SLC24A2: variants seen among roughly 807,000 people sequenced by gnomAD.
The protein encoded by SLC24A2 is sodium/potassium/calcium exchanger 2.
In SLC24A2, 36 loss-of-function variants were observed where a neutral mutation model predicts 62.0. The observed-to-expected ratio is 0.58, with a 90% CI of 0.44 to 0.77. The LOEUF (loss-of-function observed/expected upper bound fraction) is 0.77. Among genes scored for constraint, SLC24A2 ranks in the 30% least tolerant of loss-of-function variants. The pLI is 0.00. For missense variants in SLC24A2, 846 were observed against 817.9 expected (o/e 1.03, Z -0.42); for synonymous variants, 358 against 294.0 (o/e 1.22, Z -2.23).
the SLC24A2 span, among the ~76,000 whole-genome samples, chr9:19,894,055 T>C: frequency 6.6e-6 from 1 of 152,238 alleles, no homozygotes; most frequent in East Asian, 1.9e-4. Context: ...GAGAGACTGA[T>C]AAACATAATC....
intron 7 of SLC24A2, among the ~76,000 whole-genome samples, chr9:19,556,554 G>A (rs1835095692): frequency 6.6e-6 from 1 of 152,102 alleles, no homozygotes; most frequent in African/African-American, 2.4e-5. Context: ...AGTTCACAAG[G>A]AGCAATCTCG....
chr9:20,226,421 G>A, the SLC24A2 span, among the ~76,000 whole-genome samples: 2 of 152,204 alleles, frequency 1.3e-5, no homozygotes, highest in Admixed American at 1.3e-4. Context: ...CATACATATG[G>A]CATCTGGGAA....
At chr9:20,085,337 A>G in the SLC24A2 span, among the ~76,000 whole-genome samples, 1 of 152,202 alleles carries the variant, frequency 6.6e-6, no homozygotes, top group Non-Finnish European at 1.5e-5. Flanking sequence ...TAAGGCTTTA[A>G]TTATTAATGA....
At chr9:19,615,349 C>T (rs548019307) in intron 4 of SLC24A2, among the ~76,000 whole-genome samples, 1 of 152,304 alleles carries the variant, frequency 6.6e-6, no homozygotes, top group East Asian at 1.9e-4. Context: ...CTGACTGCAG[C>T]GTTCATGCCA....
intron 2 of SLC24A2, among the ~76,000 whole-genome samples, chr9:19,768,737 C>T (rs1822592972): frequency 6.6e-6 from 1 of 152,154 alleles, no homozygotes; most frequent in Non-Finnish European, 1.5e-5. Context: ...CATTTTCAGA[C>T]TGTGGTTGAC....
the SLC24A2 span, among the ~76,000 whole-genome samples, chr9:19,960,929 T>C: frequency 2.0e-5 from 3 of 152,144 alleles, no homozygotes; most frequent in South Asian, 4.1e-4. Context: ...AATATATCTA[T>C]TATTATTGCC....
chr9:20,147,021 G>T, the SLC24A2 span, among the ~76,000 whole-genome samples: 1 of 151,990 alleles, frequency 6.6e-6, no homozygotes, highest in Non-Finnish European at 1.5e-5. Flanking sequence ...AAAGAATAAC[G>T]TACAACCCCC....
intron 6 of SLC24A2, among the ~76,000 whole-genome samples, chr9:19,573,881 C>A (rs538537400): frequency 6.6e-6 from 1 of 152,164 alleles, no homozygotes; most frequent in Non-Finnish European, 1.5e-5. Flanking sequence ...CAAAACCACA[C>A]GCAATCTACA....
chr9:19,858,418 A>C, the SLC24A2 span, among the ~76,000 whole-genome samples: 1 of 152,204 alleles, frequency 6.6e-6, no homozygotes, highest in East Asian at 1.9e-4. Flanking sequence ...GAAACCTAGG[A>C]AATACCATTG....
At chr9:19,956,922 C>G in the SLC24A2 span, among the ~76,000 whole-genome samples, 2 of 152,274 alleles carry the variant, frequency 1.3e-5, no homozygotes, top group Admixed American at 6.5e-5. Flanking sequence ...TGTCTATACA[C>G]CAGGAAGTAG....
At chr9:19,829,808 T>TACAC in the SLC24A2 span, among the ~76,000 whole-genome samples, 12 of 26,744 alleles carry the variant, frequency 4.5e-4, no homozygotes, top group East Asian at 5.6e-3. Flanking sequence ...TATATATATA[T>TACAC]ATACACACAC....
chr9:20,275,978 C>G, the SLC24A2 span, among the ~76,000 whole-genome samples: 1 of 152,136 alleles, frequency 6.6e-6, no homozygotes, highest in Non-Finnish European at 1.5e-5. Context: ...GGGTCCCTCC[C>G]ATGACACGTG....
At chr9:19,833,445 G>A in the SLC24A2 span, among the ~76,000 whole-genome samples, 1,887 of 152,298 alleles carry the variant, frequency 0.012, 20 homozygotes, top group African/African-American at 0.025. Flanking sequence ...CACCTGGCTC[G>A]GAGGGTCCTA....
chr9:19,822,217 A>C, the SLC24A2 span, among the ~76,000 whole-genome samples: 1 of 152,198 alleles, frequency 6.6e-6, no homozygotes, highest in Non-Finnish European at 1.5e-5. Flanking sequence ...TAGAATCAGC[A>C]TGTTTTTGTA....
the SLC24A2 span, among the ~76,000 whole-genome samples, chr9:19,893,207 T>C: frequency 6.6e-6 from 1 of 152,156 alleles, no homozygotes; most frequent in Non-Finnish European, 1.5e-5. Context: ...ACTTGAAAGA[T>C]ATGAGATTGC....
chr9:20,057,765 A>G, the SLC24A2 span, among the ~76,000 whole-genome samples: 1 of 152,206 alleles, frequency 6.6e-6, no homozygotes, highest in East Asian at 1.9e-4. Context: ...CACTTTTCAA[A>G]GCACATTCTA....
At chr9:20,085,821 T>C in the SLC24A2 span, among the ~76,000 whole-genome samples, 58 of 152,356 alleles carry the variant, frequency 3.8e-4, no homozygotes, top group African/African-American at 1.3e-3. Context: ...CAATGCTCAT[T>C]AGTATTAAAA....
chr9:20,133,068 G>T, the SLC24A2 span, among the ~76,000 whole-genome samples: 6 of 152,150 alleles, frequency 3.9e-5, no homozygotes, highest in East Asian at 1.2e-3. Flanking sequence ...TTTAACTAAG[G>T]GAGAGATTAT....
At chr9:20,142,115 G>A in the SLC24A2 span, among the ~76,000 whole-genome samples, 2 of 152,034 alleles carry the variant, frequency 1.3e-5, no homozygotes, top group Non-Finnish European at 2.9e-5. Context: ...TAAAGAGTTC[G>A]ATGATGAAAT....
Sources: gnomAD v4.1 joint callset for allele counts (sites outside exome capture counted in the v4.1 genomes callset) on GRCh38, gnomAD v4.1.1 for gene constraint, MANE v1.5 for transcripts, NCBI Gene and HGNC (gene_info 2026-07-23, HGNC 2026-07-21) for gene names.